HTR1F: variants seen among roughly 807,000 people sequenced by gnomAD.
The protein encoded by HTR1F is 5-hydroxytryptamine (serotonin) receptor 1F, G protein-coupled.
A neutral mutation model predicts 24.0 loss-of-function variants in HTR1F; 17 were observed. That is an observed-to-expected ratio of 0.71 (90% confidence interval 0.48 to 1.06). The LOEUF (loss-of-function observed/expected upper bound fraction) is 1.06. HTR1F is among the 50% of genes least tolerant of loss of function. HTR1F has a pLI of 0.00. For synonymous variants in HTR1F, 186 were observed against 156.8 expected, an observed-to-expected ratio of 1.19 and a Z score of -1.39; for missense variants, 391 against 427.8, an observed-to-expected ratio of 0.91 and a Z score of 0.76.
At chr3:87,908,881 T>C (rs1433121723) in intron 2 of HTR1F, among the ~76,000 whole-genome samples, 1 of 152,100 alleles carries the variant, frequency 6.6e-6, no homozygotes, top group Non-Finnish European at 1.5e-5. Context: ...TTTATTTTGT[T>C]CTTTTTAGAG....
chr3:87,838,836 T>A (rs1355914215), intron 2 of HTR1F, among the ~76,000 whole-genome samples: 1 of 150,510 alleles, frequency 6.6e-6, no homozygotes, highest in East Asian at 1.9e-4. Flanking sequence ...AAAAAAAAAA[T>A]TCTCAAATTA....
At chr3:87,851,202 T>G (rs1030358930) in intron 2 of HTR1F, among the ~76,000 whole-genome samples, 4 of 151,762 alleles carry the variant, frequency 2.6e-5, no homozygotes, top group African/African-American at 4.9e-5. Flanking sequence ...AAAATTTTAT[T>G]ATGCTCTTTA....
At chr3:87,936,603 T>A (rs1347733875) in intron 2 of HTR1F, among the ~76,000 whole-genome samples, 1 of 152,150 alleles carries the variant, frequency 6.6e-6, no homozygotes, top group Non-Finnish European at 1.5e-5. Context: ...GACCACGGTT[T>A]CAGCAAAAGA....
At chr3:87,950,836 A>G (rs1704818020) in intron 2 of HTR1F, among the ~76,000 whole-genome samples, 2 of 152,194 alleles carry the variant, frequency 1.3e-5, no homozygotes, top group Admixed American at 1.3e-4. Flanking sequence ...CTTTAAGAAC[A>G]CTGTCTGAAT....
chr3:87,925,923 G>T (rs1182925126), intron 2 of HTR1F, among the ~76,000 whole-genome samples: 1 of 152,138 alleles, frequency 6.6e-6, no homozygotes, highest in African/African-American at 2.4e-5. Flanking sequence ...TTCTCTCTTA[G>T]ATACTTTACT....
chr3:87,851,357 CAT>C (rs1205383639), intron 2 of HTR1F, among the ~76,000 whole-genome samples: 7 of 151,272 alleles, frequency 4.6e-5, no homozygotes, highest in African/African-American at 7.3e-5. Context: ...GGAAGCAAGT[CAT>C]GTGTATTTTT....
intron 1 of HTR1F, among the ~76,000 whole-genome samples, chr3:87,815,471 A>G (rs1178049774): frequency 5.3e-5 from 8 of 152,122 alleles, no homozygotes; most frequent in Admixed American, 1.3e-4. Context: ...TGTAATTACC[A>G]TATTTGAAGA....
intron 2 of HTR1F, among the ~76,000 whole-genome samples, chr3:87,852,717 T>G (rs1317886177): frequency 2.6e-5 from 4 of 151,812 alleles, no homozygotes; most frequent in South Asian, 2.1e-4. Context: ...TATGGGCTAT[T>G]TGCTAAATCA....
At position 87,823,015 on chromosome 3, in the gene HTR1F, TAA is replaced by T. The variant is rs563619938; in HGVS notation, c.-43+892_-43+893del. 6.1e-4 allele frequency among the ~76,000 whole-genome samples: 93 copies of T among 152,320 alleles called. 2 individuals carry two copies. In the South Asian group the frequency reaches 0.018, roughly 30 times the overall value. ...AGTCAAAGAATGTTTTGTAAAATTT[TAA>T]GTTTTATATAAATGCACATTATTAT... On this transcript the variant is annotated intron_variant, in intron 2 of 2. Transcript: ENST00000319595.
At chr3:87,958,406 C>G (rs547160391) in intron 2 of HTR1F, among the ~76,000 whole-genome samples, 144 of 151,572 alleles carry the variant, frequency 9.5e-4, no homozygotes, top group Admixed American at 3.6e-3. Context: ...GACTGTCTGT[C>G]TCTCTTTAAT....
chr3:87,931,872 T>C (rs1021369753), intron 2 of HTR1F, among the ~76,000 whole-genome samples: 3 of 150,928 alleles, frequency 2.0e-5, no homozygotes, highest in African/African-American at 4.9e-5. Flanking sequence ...GTTCATATCC[T>C]TTGCCCACTT....
At chr3:87,966,625 AT>A (rs1451748441) in intron 2 of HTR1F, among the ~76,000 whole-genome samples, 1 of 152,106 alleles carries the variant, frequency 6.6e-6, no homozygotes, top group South Asian at 2.1e-4. Flanking sequence ...AATTCAAGTG[AT>A]TTTTTTCATC....
Position 87,991,179 on chromosome 3 carries a change from A to G in HTR1F, c.430A>G (p.Ile144Val). 1.2e-6 allele frequency: 2 copies of G among 1,614,034 alleles called. No homozygotes were observed. Among genetic ancestry groups the G allele is most frequent in the Non-Finnish European group, 1.7e-6 (2 of 1,180,006 alleles). ...KRTPKHAGIM[I>V]TIVWIISVFI... is the part of the protein sequence containing the mutation. ...GACTCCAAAGCATGCTGGCATTATGATTACAATAGTTTGGATTATATCTGT... is the reference window on the plus strand; with the variant it reads ...GACTCCAAAGCATGCTGGCATTATGGTTACAATAGTTTGGATTATATCTGT... The change falls in exon 3 of 3, where the codon ATT becomes GTT. Residue 144 changes from isoleucine (I) to valine (V), a missense_variant. Coordinates refer to ENST00000319595, the MANE Select transcript of HTR1F (RefSeq NM_001322209.2).
At chr3:87,857,971 G>A (rs970994749) in intron 2 of HTR1F, among the ~76,000 whole-genome samples, 2 of 152,006 alleles carry the variant, frequency 1.3e-5, no homozygotes, top group Non-Finnish European at 2.9e-5. Flanking sequence ...TTCTTACACT[G>A]TAAAGTTAAA....
intron 2 of HTR1F, among the ~76,000 whole-genome samples, chr3:87,864,022 C>T (rs1333173069): frequency 1.3e-5 from 2 of 152,150 alleles, no homozygotes; most frequent in Non-Finnish European, 2.9e-5. Context: ...TCAAAGCTAA[C>T]AATGGCTAGT....
chr3:87,854,028 T>C (rs1170148430), intron 2 of HTR1F, among the ~76,000 whole-genome samples: 1 of 152,074 alleles, frequency 6.6e-6, no homozygotes, highest in African/African-American at 2.4e-5. Flanking sequence ...TAAATCTATG[T>C]TATCCTGGTA....
intron 2 of HTR1F, among the ~76,000 whole-genome samples, chr3:87,948,426 C>T (rs1439994073): frequency 1.3e-5 from 2 of 151,984 alleles, no homozygotes; most frequent in East Asian, 3.8e-4. Flanking sequence ...TAAATTGAAA[C>T]TCTCAAGTAA....
At position 87,991,955 on chromosome 3, in the gene HTR1F, A is replaced by G. The variant is rs1451962503; in HGVS notation, c.*105A>G. 2.2e-6 allele frequency: 2 copies of G among 920,308 alleles called. No homozygotes were observed. Among genetic ancestry groups the G allele is most frequent in the Non-Finnish European group, 3.2e-6 (2 of 616,338 alleles). The allele number at this position is 920,308 out of a possible 1,614,324, so 57.0% of individuals were successfully genotyped here. A position where few individuals can be genotyped will look rare whatever the true frequency, so the allele number is the denominator to read the frequency against. ...TAAGCTTTTAGAGGGAAATACATGA[A>G]AACTGCTAAATTGATAAGGCTATAA... On this transcript the variant is annotated 3_prime_UTR_variant, in exon 3 of 3. Transcript: ENST00000319595.
intron 2 of HTR1F, among the ~76,000 whole-genome samples, chr3:87,920,128 T>C (rs992552265): frequency 1.3e-5 from 2 of 151,584 alleles, no homozygotes; most frequent in African/African-American, 2.4e-5. Flanking sequence ...GAGACTATTA[T>C]TCTAAGTGAA....
Sources: gnomAD v4.1 joint callset for allele counts (sites outside exome capture counted in the v4.1 genomes callset) on GRCh38, gnomAD v4.1.1 for gene constraint, MANE v1.5 for transcripts, NCBI Gene and HGNC (gene_info 2026-07-23, HGNC 2026-07-21) for gene names.